RORA: variants seen among roughly 807,000 people sequenced by gnomAD.
The protein encoded by RORA is RAR related orphan receptor A, also known as nuclear receptor ROR-alpha.
In RORA, 7 loss-of-function variants were observed where a neutral mutation model predicts 69.5. The ratio of observed to expected loss-of-function variants is 0.10; its 90% CI spans 0.06 to 0.19. The LOEUF is 0.19. RORA is among the 10% of genes least tolerant of loss of function. The probability of loss-of-function intolerance (pLI) is 1.00; values close to 1 mark genes in which losing one functional copy is unlikely to be tolerated. For missense variants in RORA, 457 were observed against 663.0 expected (o/e 0.69, Z 3.41); for synonymous variants, 261 against 240.8 (o/e 1.08, Z -0.78).
chr15:60,919,450 A>G (rs1891975448), intron 1 of RORA, among the ~76,000 whole-genome samples: 1 of 152,246 alleles, frequency 6.6e-6, no homozygotes, highest in African/African-American at 2.4e-5. Context: ...CAATTCCTTC[A>G]TGAGGGAGGA....
At chr15:60,660,896 C>T (rs2070293420) in intron 2 of RORA, among the ~76,000 whole-genome samples, 1 of 152,092 alleles carries the variant, frequency 6.6e-6, no homozygotes. Flanking sequence ...TGGAGGCTTC[C>T]TGCCTGCTGC....
intron 1 of RORA, among the ~76,000 whole-genome samples, chr15:60,819,731 C>A (rs2072862849): frequency 7.5e-6 from 1 of 134,188 alleles, no homozygotes; most frequent in Non-Finnish European, 1.5e-5. Context: ...CACTCCTGGA[C>A]TGAAGTCAAA....
chr15:60,965,447 C>T (rs1251041542), intron 1 of RORA, among the ~76,000 whole-genome samples: 2 of 152,196 alleles, frequency 1.3e-5, no homozygotes, highest in Non-Finnish European at 2.9e-5. Flanking sequence ...GGTCTCTGTA[C>T]ACTGGGCTTA....
At chr15:60,855,464 C>G (rs1242488477) in intron 1 of RORA, among the ~76,000 whole-genome samples, 1 of 152,126 alleles carries the variant, frequency 6.6e-6, no homozygotes, top group Non-Finnish European at 1.5e-5. Flanking sequence ...CATATTTAGT[C>G]ATACACTTAT....
rs546428163 is a variant in RORA, at chr15:60,568,937, T to A, written c.197-37086A>T. Among the ~76,000 whole-genome samples, 212 of 89,408 alleles carry A rather than the reference T, an allele frequency of 2.4e-3. 1 individual carries two copies. The highest frequency in any genetic ancestry group is 0.012 in the African/African-American group (204 of 17,130). The allele number at this position is 89,408 out of a possible 152,430, so 58.7% of individuals were successfully genotyped here. The stretch of plus-strand genomic sequence containing the variant: ...TCATATGGATTTCAGTTTAGATGGT[T>A]TTGCGCTAAAAAAAAAAAAAAAAAA... On this transcript the variant is annotated intron_variant, in intron 2 of 10. Coordinates refer to ENST00000335670, the MANE Select transcript of RORA (RefSeq NM_134261.3).
chr15:60,719,945 C>T (rs2071271062), intron 1 of RORA, among the ~76,000 whole-genome samples: 1 of 152,120 alleles, frequency 6.6e-6, no homozygotes, highest in African/African-American at 2.4e-5. Context: ...TGCAGTGTTG[C>T]CTTTCAGCAA....
At chr15:60,497,756 G>T in intron 10 of RORA, 137 bp from the exon 11 acceptor site, 2 of 717,852 alleles carry the variant, frequency 2.8e-6, no homozygotes, top group East Asian at 2.7e-5. Context: ...CAGTAGCAGA[G>T]GATTGGTAAA....
At position 61,128,124 on chromosome 15, in the gene RORA, G is replaced by A. The variant is rs1197009271; in HGVS notation, c.166+100929C>T. On this transcript the variant is annotated intron_variant, in intron 1 of 10. Coordinates refer to ENST00000335670, the MANE Select transcript of RORA (RefSeq NM_134261.3). The surrounding 1 kb of genome is among the most constrained non-coding windows in gnomAD (Gnocchi z 4.5). ...CACTGAAACATAATTTCAAGAGTCA[G>A]CTTATTTATCATTTCTACTTAAGTT... Among the ~76,000 whole-genome samples, 1 of 152,018 alleles carries A rather than the reference G, an allele frequency of 6.6e-6. No individual in the cohort carries two copies. The highest frequency in any genetic ancestry group is 1.5e-5 in the Non-Finnish European group (1 of 68,000).
intron 1 of RORA, among the ~76,000 whole-genome samples, chr15:61,165,567 T>C (rs1005290255): frequency 2.0e-5 from 3 of 152,154 alleles, no homozygotes; most frequent in Non-Finnish European, 2.9e-5. Context: ...ATATGTAAAA[T>C]AGATCAAAGG....
chr15:60,612,956 T>A (rs1361274579), intron 2 of RORA, among the ~76,000 whole-genome samples: 1 of 152,070 alleles, frequency 6.6e-6, no homozygotes, highest in South Asian at 2.1e-4. Flanking sequence ...TGCAATTTTC[T>A]AGGCATTTCC....
chr15:60,898,396 G>A (rs1311316645), intron 1 of RORA, among the ~76,000 whole-genome samples: 1 of 152,040 alleles, frequency 6.6e-6, no homozygotes, highest in East Asian at 1.9e-4. Flanking sequence ...TGGCAGGGGA[G>A]CTGGCCCCGG....
chr15:61,091,352 C>CT (rs1210633561), intron 1 of RORA, among the ~76,000 whole-genome samples: 2 of 152,192 alleles, frequency 1.3e-5, no homozygotes, highest in African/African-American at 4.8e-5. Context: ...ACCACCTCTG[C>CT]TTTAGGGCCA....
intron 1 of RORA, among the ~76,000 whole-genome samples, chr15:60,892,837 T>C (rs1222444116): frequency 1.3e-5 from 2 of 152,228 alleles, no homozygotes; most frequent in South Asian, 4.1e-4. Flanking sequence ...AAAGTTGGCA[T>C]GCTCCCAGCC....
At chr15:60,518,161 G>A (rs1245903595) in intron 3 of RORA, among the ~76,000 whole-genome samples, 1 of 152,136 alleles carries the variant, frequency 6.6e-6, no homozygotes, top group African/African-American at 2.4e-5. Flanking sequence ...CATGTATCTG[G>A]CATTATTTCT....
chr15:60,785,684 T>C (rs1434348350), intron 1 of RORA, among the ~76,000 whole-genome samples: 1 of 152,162 alleles, frequency 6.6e-6, no homozygotes, highest in African/African-American at 2.4e-5. Flanking sequence ...AAATACATAA[T>C]CCTTCCTCTA....
intron 4 of RORA, among the ~76,000 whole-genome samples, chr15:60,513,326 A>G (rs2065764750): frequency 6.6e-6 from 1 of 152,206 alleles, no homozygotes; most frequent in African/African-American, 2.4e-5. Flanking sequence ...TATATGCAAA[A>G]TTTTCAGAAG....
At chr15:60,695,728 G>T (rs1273307392) in intron 1 of RORA, among the ~76,000 whole-genome samples, 1 of 151,912 alleles carries the variant, frequency 6.6e-6, no homozygotes, top group Admixed American at 6.6e-5. Context: ...TTCCTGCCTC[G>T]CGCCCCCACG....
chr15:61,155,148 G>A (rs1348770345), intron 1 of RORA, among the ~76,000 whole-genome samples: 1 of 152,054 alleles, frequency 6.6e-6, no homozygotes, highest in African/African-American at 2.4e-5. Flanking sequence ...TGATGGACAT[G>A]GTAATTATCC....
At chr15:60,859,024 T>C (rs1460473847) in intron 1 of RORA, among the ~76,000 whole-genome samples, 1 of 151,828 alleles carries the variant, frequency 6.6e-6, no homozygotes, top group Non-Finnish European at 1.5e-5. Context: ...AATTGGGCAA[T>C]TTCTTAGGTG....
Sources: gnomAD v4.1 joint callset for allele counts (sites outside exome capture counted in the v4.1 genomes callset) on GRCh38, gnomAD v4.1.1 for gene constraint, Gnocchi (gnomAD v3.1) non-coding constraint, MANE v1.5 for transcripts, NCBI Gene and HGNC (gene_info 2026-07-23, HGNC 2026-07-21) for gene names.